The following FAM168A variants were observed in gnomAD, a reference collection of about 807,000 sequenced individuals.
The protein encoded by FAM168A is protein FAM168A.
Under a neutral mutation model 28.5 loss-of-function variants are expected in FAM168A, and 3 were observed. That is an observed-to-expected ratio of 0.11 (90% CI 0.05 to 0.27). FAM168A has a LOEUF of 0.27. Among genes scored for constraint, FAM168A ranks in the 10% least tolerant of loss-of-function variants. The pLI is 1.00. For missense variants in FAM168A, 222 were observed against 311.5 expected, an observed-to-expected ratio of 0.71 and a Z score of 2.16; for synonymous variants, 122 against 124.2, an observed-to-expected ratio of 0.98 and a Z score of 0.12.
intron 1 of FAM168A, among the ~76,000 whole-genome samples, chr11:73,491,240 C>A (rs1868124226): frequency 6.6e-6 from 1 of 152,124 alleles, no homozygotes. Flanking sequence ...GGGAAGACCA[C>A]AAACAGAAAG....
At chr11:73,487,090 T>A (rs1868063039) in intron 1 of FAM168A, among the ~76,000 whole-genome samples, 1 of 152,084 alleles carries the variant, frequency 6.6e-6, no homozygotes, top group Non-Finnish European at 1.5e-5. Flanking sequence ...CAGCTGGGGA[T>A]ATTATTTTTT....
chr11:73,441,694 TA>T (rs1867198665), intron 2 of FAM168A, among the ~76,000 whole-genome samples: 1 of 152,246 alleles, frequency 6.6e-6, no homozygotes, highest in African/African-American at 2.4e-5. Context: ...TTCTCTCTTA[TA>T]GGTCTAGTCA....
intron 1 of FAM168A, among the ~76,000 whole-genome samples, chr11:73,531,755 T>C (rs1943516050): frequency 6.6e-6 from 1 of 151,836 alleles, no homozygotes. Context: ...TCATTCCCCT[T>C]CTGTCTAAAG....
rs71065011 is a variant in FAM168A, at chr11:73,496,873, T to TCACACACACACA, written c.-18-28393_-18-28382dup. ...CTGCACCCAGCCCTGTATGTTCTTA[T>TCACACACACACA]CACACACACACACACACACACACAC... is the stretch of plus-strand genomic sequence containing the variant. On this transcript the variant is annotated intron_variant, in intron 1 of 7. Transcript: ENST00000356467. Among the ~76,000 whole-genome samples the TCACACACACACA allele has an allele frequency of 7.1e-3, 989 of 140,190 alleles. 16 individuals are homozygous for TCACACACACACA. Among genetic ancestry groups the TCACACACACACA allele is most frequent in the African/African-American group, 0.026 (942 of 36,844 alleles). The allele number at this position is 140,190 out of a possible 152,430, so 92.0% of individuals were successfully genotyped here. A position where few individuals can be genotyped will look rare whatever the true frequency, so the allele number is the denominator to read the frequency against.
At chr11:73,582,651 C>T (rs138681010) in intron 1 of FAM168A, among the ~76,000 whole-genome samples, 10 of 152,266 alleles carry the variant, frequency 6.6e-5, no homozygotes, top group Non-Finnish European at 1.3e-4. Context: ...GCATTTGATA[C>T]AATTTGGTTT....
At chr11:73,568,864 G>A (rs1347133004) in intron 1 of FAM168A, among the ~76,000 whole-genome samples, 1 of 152,026 alleles carries the variant, frequency 6.6e-6, no homozygotes, top group East Asian at 1.9e-4. Flanking sequence ...CACTGCACAA[G>A]CGAAACCCTG....
chr11:73,507,374 T>C (rs183145446), intron 1 of FAM168A, among the ~76,000 whole-genome samples: 6 of 152,120 alleles, frequency 3.9e-5, no homozygotes, highest in East Asian at 1.9e-4. Flanking sequence ...CAGTTAAAGA[T>C]AAAAATAAAC....
chr11:73,586,209 A>T (rs1944312212), intron 1 of FAM168A, among the ~76,000 whole-genome samples: 1 of 152,196 alleles, frequency 6.6e-6, no homozygotes, highest in Non-Finnish European at 1.5e-5. Flanking sequence ...ATTAAATCCC[A>T]CCCTAGTCAC....
chr11:73,568,236 T>C (rs1407084821), intron 1 of FAM168A, among the ~76,000 whole-genome samples: 1 of 152,192 alleles, frequency 6.6e-6, no homozygotes, highest in African/African-American at 2.4e-5. Flanking sequence ...TAATCAAGGC[T>C]GAAAATTCCA....
intron 1 of FAM168A, among the ~76,000 whole-genome samples, chr11:73,596,532 A>G (rs1336492491): frequency 1.3e-5 from 2 of 152,238 alleles, no homozygotes; most frequent in African/African-American, 4.8e-5. Context: ...AAACAAAAAC[A>G]TCACCCGAAC....
In FAM168A at chr11:73,404,639, T is replaced by G. The variant is rs1442436559; in HGVS notation, c.*2124A>C. On this transcript the variant is annotated 3_prime_UTR_variant, in exon 8 of 8. Coordinates refer to ENST00000356467, the MANE Select transcript of FAM168A (RefSeq NM_015159.3). ...CAGATAATTTAGAACAGCTGAATTT[T>G]TTCTTACTGGTCCTAAAGTTCCTTG... 6.6e-6 allele frequency: 1 copy of G among 152,234 alleles called. No homozygotes were observed. Among genetic ancestry groups the G allele is most frequent in the Non-Finnish European group, 1.5e-5 (1 of 68,040 alleles). 9.4% of individuals were successfully genotyped at this position (152,234 alleles called of 1,614,324 possible).
At chr11:73,545,515 G>A (rs1943735832) in intron 1 of FAM168A, among the ~76,000 whole-genome samples, 1 of 151,892 alleles carries the variant, frequency 6.6e-6, no homozygotes, top group African/African-American at 2.4e-5. Context: ...AAAACTGACT[G>A]TGGTAATGAT....
At chr11:73,569,314 C>A (rs1360822092) in intron 1 of FAM168A, among the ~76,000 whole-genome samples, 3 of 152,136 alleles carry the variant, frequency 2.0e-5, no homozygotes, top group Non-Finnish European at 4.4e-5. Context: ...CACACTGTTG[C>A]CAGCTACTAA....
In FAM168A at chr11:73,486,014, C is replaced by A. The variant is rs2134601483; in HGVS notation, c.-18-17522G>T. Among the ~76,000 whole-genome samples the A allele has an allele frequency of 1.3e-5, 2 of 152,246 alleles. 1 individual carries two copies. The highest frequency in any genetic ancestry group is 1.3e-4 in the Admixed American group (2 of 15,296). ...CATGTGTATCTCTATCCCTGATCTA[C>A]CAATACCTTAGAATCAGCTTCCTTA... On this transcript the variant is annotated intron_variant, in intron 1 of 7. Coordinates refer to ENST00000356467, the MANE Select transcript of FAM168A (RefSeq NM_015159.3).
chr11:73,433,581 CATAG>C (rs1308914481), intron 2 of FAM168A, among the ~76,000 whole-genome samples: 1 of 152,014 alleles, frequency 6.6e-6, no homozygotes, highest in Non-Finnish European at 1.5e-5. Flanking sequence ...TAGGGGTATA[CATAG>C]TTATATATTC....
chr11:73,420,949 A>G (rs1565236984), intron 3 of FAM168A: 1 of 152,524 alleles, frequency 6.6e-6, no homozygotes, highest in Non-Finnish European at 1.5e-5. Context: ...GACTTGCCTA[A>G]CTTTTTAGAC....
intron 1 of FAM168A, among the ~76,000 whole-genome samples, chr11:73,485,616 C>T (rs1047145194): frequency 6.6e-6 from 1 of 152,124 alleles, no homozygotes; most frequent in African/African-American, 2.4e-5. Flanking sequence ...CTATATTATC[C>T]TATTTCCCCT....
intron 1 of FAM168A, among the ~76,000 whole-genome samples, chr11:73,520,212 A>T (rs1219691099): frequency 2.7e-5 from 4 of 146,770 alleles, no homozygotes; most frequent in Non-Finnish European, 4.5e-5. Flanking sequence ...TGCCCAGCTA[A>T]TTTTTTTTTT....
At chr11:73,565,506 C>G (rs1280153693) in intron 1 of FAM168A, among the ~76,000 whole-genome samples, 1 of 152,128 alleles carries the variant, frequency 6.6e-6, no homozygotes, top group Non-Finnish European at 1.5e-5. Flanking sequence ...CTGAGCAAGT[C>G]ACTTTTCTGA....
Sources: allele counts gnomAD v4.1 joint callset (sites outside exome capture counted in the v4.1 genomes callset), GRCh38; gene constraint gnomAD v4.1.1; transcripts MANE v1.5; gene names NCBI Gene and HGNC (gene_info 2026-07-23, HGNC 2026-07-21).